Variants in NCALD observed in about 807,000 individuals in gnomAD.
NCALD encodes the protein neurocalcin-delta.
In NCALD, 10 loss-of-function variants were observed where a neutral mutation model predicts 18.6. The ratio of observed to expected loss-of-function variants is 0.54; its 90% CI spans 0.33 to 0.91. The LOEUF (loss-of-function observed/expected upper bound fraction) is 0.91. NCALD is among the 40% of genes least tolerant of loss of function. The pLI is 0.03. For missense variants in NCALD, 184 were observed against 247.6 expected (o/e 0.74, Z 1.72); for synonymous variants, 88 against 87.4 (o/e 1.01, Z -0.04).
chr8:101,760,131 A>T (rs1394568952), intron 1 of NCALD, among the ~76,000 whole-genome samples: 1 of 152,220 alleles, frequency 6.6e-6, no homozygotes, highest in Non-Finnish European at 1.5e-5. Flanking sequence ...AGGTCTGGTT[A>T]GAGAACATCT....
intron 1 of NCALD, among the ~76,000 whole-genome samples, chr8:102,037,654 TG>T (rs58473288): frequency 0.18 from 26,897 of 151,976 alleles, 2,512 homozygotes; most frequent in Non-Finnish European, 0.19. Context: ...ATTTTTTTTT[TG>T]ATTAACATAT....
In NCALD at chr8:101,761,717, T is replaced by C. The variant is rs183823953; in HGVS notation, c.-20+29145A>G. 3.7e-3 allele frequency among the ~76,000 whole-genome samples: 560 copies of C among 152,312 alleles called. 4 individuals are homozygous for C. The highest frequency in any genetic ancestry group is 0.013 in the African/African-American group (523 of 41,572). On this transcript the variant is annotated intron_variant, in intron 1 of 3. Transcript: ENST00000220931. Reference sequence around the variant, plus strand: ...GTATTCAATCTCCCCTTCTTCCTTTTAGTAATGGAATCCAGAGCTGCGCAC... The same window carrying C: ...GTATTCAATCTCCCCTTCTTCCTTTCAGTAATGGAATCCAGAGCTGCGCAC...
In NCALD at chr8:101,689,865, G is replaced by A. The variant is rs1463279243; in HGVS notation, c.485-459C>T. Among the ~76,000 whole-genome samples, 1 of 152,192 alleles carries A rather than the reference G, an allele frequency of 6.6e-6. No individual in the cohort carries two copies. Among genetic ancestry groups the A allele is most frequent in the Non-Finnish European group, 1.5e-5 (1 of 68,034 alleles). ...TCCCTGGAGCCTTCTGAGCCACTTC[G>A]TGTTCTTCAGGCCACTCTGTGTTCT... is the stretch of plus-strand genomic sequence containing the variant. On this transcript the variant is annotated intron_variant, in intron 3 of 3. Coordinates refer to ENST00000220931, the MANE Select transcript of NCALD (RefSeq NM_032041.3). The surrounding 1 kb of genome is among the most constrained non-coding windows in gnomAD (Gnocchi z 4.4).
At chr8:102,010,616 C>A (rs1281486944) in intron 2 of NCALD, among the ~76,000 whole-genome samples, 1 of 152,194 alleles carries the variant, frequency 6.6e-6, no homozygotes, top group Non-Finnish European at 1.5e-5. Context: ...CCTTCAAATA[C>A]ACTTAGCCTG....
At chr8:101,833,759 T>G (rs1814290960) in intron 4 of NCALD, among the ~76,000 whole-genome samples, 1 of 152,100 alleles carries the variant, frequency 6.6e-6, no homozygotes, top group African/African-American at 2.4e-5. Flanking sequence ...GAAAAAAGTG[T>G]GTAAAACTGG....
chr8:102,089,636 AG>A (rs1200678467), intron 1 of NCALD, among the ~76,000 whole-genome samples: 2 of 152,144 alleles, frequency 1.3e-5, no homozygotes, highest in African/African-American at 2.4e-5. Flanking sequence ...TTTACATGGA[AG>A]GTGTGTAAAG....
At chr8:101,950,114 C>A (rs1819334149) in intron 2 of NCALD, 1 of 152,392 alleles carries the variant, frequency 6.6e-6, no homozygotes, top group African/African-American at 2.4e-5. Flanking sequence ...CTTGCTCTCT[C>A]CCCAAACCCC....
At chr8:101,930,159 AC>A (rs1478275087) in intron 2 of NCALD, among the ~76,000 whole-genome samples, 1 of 152,232 alleles carries the variant, frequency 6.6e-6, no homozygotes, top group Non-Finnish European at 1.5e-5. Context: ...AATTTTAAAA[AC>A]TAAAGAATAG....
At chr8:101,730,276 T>G (rs1816758854) in intron 1 of NCALD, among the ~76,000 whole-genome samples, 1 of 151,902 alleles carries the variant, frequency 6.6e-6, no homozygotes, top group African/African-American at 2.4e-5. Context: ...GGTCAGGAGT[T>G]CGAGACCAGC....
In NCALD at chr8:102,080,168, T is replaced by C. The variant is rs563797425; in HGVS notation, c.-210+44069A>G. Among the ~76,000 whole-genome samples the C allele has an allele frequency of 2.6e-5, 4 of 152,364 alleles. No individual in the cohort carries two copies. The South Asian group carries it at 6.2e-4, about 24-fold the overall frequency. On this transcript the variant is annotated intron_variant, in intron 1 of 6. Coordinates refer to the NCALD transcript ENST00000311028. ...CCAATGACTTCATATGAAAGGTTAA[T>C]GGCACAGTGTGCTGTTGGCAGCCAG...
intron 2 of NCALD, among the ~76,000 whole-genome samples, chr8:101,985,300 G>T (rs1216712089): frequency 6.6e-6 from 1 of 151,998 alleles, no homozygotes; most frequent in Admixed American, 6.5e-5. Context: ...GCCTCCACTC[G>T]ACCCACCCCA....
At chr8:101,990,477 C>T (rs1049536646) in intron 2 of NCALD, among the ~76,000 whole-genome samples, 3 of 152,192 alleles carry the variant, frequency 2.0e-5, no homozygotes, top group Non-Finnish European at 4.4e-5. Flanking sequence ...TGAATTGTAG[C>T]TCCCACAATT....
chr8:101,838,848 T>C (rs1388521060), intron 4 of NCALD, among the ~76,000 whole-genome samples: 3 of 152,234 alleles, frequency 2.0e-5, no homozygotes, highest in Admixed American at 6.5e-5. Context: ...TCATAACCAA[T>C]GTTCACAATG....
At position 101,974,493 on chromosome 8, in the gene NCALD, C is replaced by A. The variant is rs1820353134; in HGVS notation, c.-157+45744G>T. ...ATCATGGCCCTTTGACAAGAAAATA[C>A]AAGCACAGAAAGGACAGGCACTTGC... On this transcript the variant is annotated intron_variant, in intron 2 of 6. Transcript: ENST00000311028. Among the ~76,000 whole-genome samples, 2 of 152,250 alleles carry A rather than the reference C, an allele frequency of 1.3e-5. 1 individual carries two copies. Among genetic ancestry groups the A allele is most frequent in the South Asian group, 4.1e-4 (2 of 4,826 alleles).
intron 2 of NCALD, among the ~76,000 whole-genome samples, chr8:101,979,686 T>A (rs1820546050): frequency 6.6e-6 from 1 of 152,242 alleles, no homozygotes; most frequent in African/African-American, 2.4e-5. Context: ...AGACATAGTT[T>A]TCCTTTCAGA....
chr8:101,733,478 G>A (rs1159815643), intron 1 of NCALD, among the ~76,000 whole-genome samples: 2 of 152,118 alleles, frequency 1.3e-5, no homozygotes, highest in African/African-American at 4.8e-5. Flanking sequence ...CTGTTTTGGA[G>A]GACCAAGTGA....
intron 2 of NCALD, among the ~76,000 whole-genome samples, chr8:101,955,653 G>A (rs1187776656): frequency 6.6e-6 from 1 of 152,096 alleles, no homozygotes; most frequent in Admixed American, 6.6e-5. Flanking sequence ...TTAGAAACAA[G>A]ATAATTCTTA....
intron 3 of NCALD, among the ~76,000 whole-genome samples, chr8:101,888,282 ATGTGT>A (rs768404049): frequency 1.8e-4 from 27 of 152,200 alleles, no homozygotes; most frequent in Non-Finnish European, 3.1e-4. Flanking sequence ...ATTTGAGGAT[ATGTGT>A]CTATAAAAAC....
At chr8:101,700,434 T>C (rs1424547589) in intron 2 of NCALD, among the ~76,000 whole-genome samples, 1 of 152,138 alleles carries the variant, frequency 6.6e-6, no homozygotes, top group Non-Finnish European at 1.5e-5. Flanking sequence ...GCACCTTATT[T>C]TTCAATGATC....
Sources: allele counts gnomAD v4.1 joint callset (sites outside exome capture counted in the v4.1 genomes callset), GRCh38; gene constraint gnomAD v4.1.1; non-coding constraint Gnocchi (gnomAD v3.1); transcripts MANE v1.5; gene names NCBI Gene and HGNC (gene_info 2026-07-23, HGNC 2026-07-21).